The following ANKMY1 variants were observed in gnomAD, a reference collection of about 807,000 sequenced individuals.
The protein encoded by ANKMY1 is ankyrin repeat and MYND domain containing 1, also known as ankyrin repeat and MYND domain-containing protein 1.
In ANKMY1, 98 loss-of-function variants were observed where a neutral mutation model predicts 102.0. The ratio of observed to expected loss-of-function variants is 0.96; its 90% confidence interval spans 0.82 to 1.14. ANKMY1 has a LOEUF of 1.14. Ranked by LOEUF, ANKMY1 falls within the 50% of genes most tolerant of loss-of-function variation. ANKMY1 has a pLI of 0.00. For synonymous variants in ANKMY1, 582 were observed against 559.9 expected (o/e 1.04, Z -0.56); for missense variants, 1,330 against 1,347.6 (o/e 0.99, Z 0.20).
chr2:240,490,281 T>C (rs984234198), intron 15 of ANKMY1, among the ~76,000 whole-genome samples: 1 of 152,192 alleles, frequency 6.6e-6, no homozygotes, highest in Non-Finnish European at 1.5e-5. Flanking sequence ...TTAGTTCTGC[T>C]CTGATCTTTA....
intron 4 of ANKMY1, among the ~76,000 whole-genome samples, chr2:240,537,782 C>T (rs1000701805): frequency 6.6e-5 from 10 of 152,234 alleles, no homozygotes; most frequent in Non-Finnish European, 1.5e-4. Context: ...CGCTGTAAAC[C>T]ACAACAAGTG....
chr2:240,504,289 A>T (rs1404275514), intron 13 of ANKMY1, among the ~76,000 whole-genome samples: 1 of 152,252 alleles, frequency 6.6e-6, no homozygotes, highest in Non-Finnish European at 1.5e-5. Flanking sequence ...CTCTGGACTC[A>T]GATCCCATGA....
rs527725811 is a variant in ANKMY1 at position 240,504,153 on chromosome 2, C to G, written c.2526+3407G>C. The stretch of plus-strand genomic sequence containing the variant: ...CAAGGTTCTGCCACAGCCTGAACAG[C>G]AAGACGTGGTGGGAGATGGAGGCTT... On this transcript the variant is annotated intron_variant, in intron 13 of 17. Transcript: ENST00000401804. 9.2e-5 allele frequency among the ~76,000 whole-genome samples: 14 copies of G among 152,328 alleles called. No homozygotes were observed. The South Asian group carries it at 2.5e-3, about 27-fold the overall frequency.
intron 15 of ANKMY1, among the ~76,000 whole-genome samples, chr2:240,483,288 C>G (rs2075648814): frequency 6.6e-6 from 1 of 152,146 alleles, no homozygotes; most frequent in Admixed American, 6.5e-5. Flanking sequence ...TCCTGAGTAG[C>G]TGGGATTACA....
chr2:240,495,896 T>C (rs1489016297), intron 15 of ANKMY1, among the ~76,000 whole-genome samples: 1 of 152,172 alleles, frequency 6.6e-6, no homozygotes, highest in Non-Finnish European at 1.5e-5. Context: ...CTGCCTCTCC[T>C]CCTCCTTCCC....
chr2:240,500,229 G>A, intron 14 of ANKMY1, 106 bp from the exon 15 acceptor site: 1 of 1,372,404 alleles, frequency 7.3e-7, no homozygotes, highest in South Asian at 1.4e-5. Context: ...ATATATAACT[G>A]AGGACGAACC....
chr2:240,504,431 C>T (rs1163132692), intron 13 of ANKMY1, among the ~76,000 whole-genome samples: 1 of 152,176 alleles, frequency 6.6e-6, no homozygotes, highest in East Asian at 1.9e-4. Flanking sequence ...TTGGCTATGA[C>T]ACCAAAGGCA....
chr2:240,535,033 G>C (rs894142030), intron 4 of ANKMY1, among the ~76,000 whole-genome samples: 4 of 152,216 alleles, frequency 2.6e-5, no homozygotes, highest in Non-Finnish European at 4.4e-5. Flanking sequence ...GGGAGGTCAA[G>C]GCTGCAGTAA....
intron 15 of ANKMY1, among the ~76,000 whole-genome samples, chr2:240,490,041 G>A (rs768807681): frequency 1.3e-5 from 2 of 151,714 alleles, no homozygotes; most frequent in African/African-American, 2.4e-5. Context: ...TTTCCAGTTT[G>A]TCATATAGTC....
chr2:240,560,249 A>T (rs191977005), upstream of ANKMY1: 271 of 158,100 alleles, frequency 1.7e-3, 2 homozygotes, highest in African/African-American at 6.3e-3. Flanking sequence ...CCGGGTAGCC[A>T]CGGGGCCCTA....
At position 240,479,719 on chromosome 2, in the gene ANKMY1, TGGCTCCAGAACTCG is replaced by T. The variant is rs2075122709; in HGVS notation, c.3047-78_3047-65del. 1.9e-5 allele frequency: 29 copies of T among 1,490,114 alleles called. No homozygotes were observed. In the South Asian group the frequency reaches 3.2e-4, roughly 16 times the overall value. The allele number at this position is 1,490,114 out of a possible 1,614,324, so 92.3% of individuals were successfully genotyped here. ...GCTGGAGCTGGCCTCCCCCGAGGCCTGGCTCCAGAACTCGGGCTGTGTGGGGCGGCTGAGGACTG... is the reference window on the plus strand; with the variant it reads ...GCTGGAGCTGGCCTCCCCCGAGGCCTGGCTGTGTGGGGCGGCTGAGGACTG... On this transcript the variant is annotated intron_variant, in intron 17 of 17. Coordinates refer to ENST00000401804, the MANE Select transcript of ANKMY1 (RefSeq NM_001282771.3).
At position 240,526,728 on chromosome 2, in the gene ANKMY1, T is replaced by C. The variant is rs116589087; in HGVS notation, c.954-283A>G. The stretch of plus-strand genomic sequence containing the variant: ...GGCTGCGAGTACATCCATGCATCTC[T>C]GATTCATCTGGGTGTTTGCTAAGAA... On this transcript the variant is annotated intron_variant, in intron 5 of 17. Transcript: ENST00000401804. The C allele has an allele frequency of 1.8e-3, 2,404 of 1,346,976 alleles. 23 individuals carry two copies. The African/African-American group carries it at 0.031, about 18-fold the overall frequency. 83.4% of individuals were successfully genotyped at this position (1,346,976 alleles called of 1,614,324 possible).
rs1038673634 is a variant in ANKMY1, at chr2:240,557,917, G to A, written c.-54C>T. 4.1e-6 allele frequency: 4 copies of A among 985,456 alleles called. No homozygotes were observed. The highest frequency in any genetic ancestry group is 4.8e-6 in the Non-Finnish European group (4 of 830,058). The allele number at this position is 985,456 out of a possible 1,614,324, so 61.0% of individuals were successfully genotyped here. ...CGAAGAGCTCGCGCCGGACAGCAGG[G>A]AGACCGACGGGACTGCAGCCACCGC... On this transcript the variant is annotated 5_prime_UTR_variant, in exon 1 of 18. Transcript: ENST00000401804.
Position 240,509,362 on chromosome 2 carries a change from T to C in ANKMY1, c.2380A>G (p.Ser794Gly), listed in dbSNP as rs1404848868. ...GHSPLSLSIA[S>G]GNELVVKELL... Reference sequence around the variant, plus strand: ...AACATGCTCACCAGCTCATTCCCACTGGCAATGGACAGGGAGAGCGGGGAG... The same window carrying C: ...AACATGCTCACCAGCTCATTCCCACCGGCAATGGACAGGGAGAGCGGGGAG... Residue 794 changes from serine to glycine, a missense_variant, in exon 12 of 18, where the codon AGT (serine) becomes GGT (glycine). Coordinates refer to ENST00000401804, the MANE Select transcript of ANKMY1 (RefSeq NM_001282771.3). The C allele has an allele frequency of 1.9e-6, 3 of 1,613,080 alleles. No individual in the cohort carries two copies. Among genetic ancestry groups the C allele is most frequent in the African/African-American group, 2.7e-5 (2 of 74,862 alleles).
intron 11 of ANKMY1, among the ~76,000 whole-genome samples, chr2:240,511,644 C>T (rs1039864309): frequency 3.3e-5 from 5 of 152,260 alleles, no homozygotes; most frequent in African/African-American, 1.2e-4. Flanking sequence ...AGACTTCATG[C>T]CGCCACCCAG....
At chr2:240,547,890 G>T (rs1330648362) in intron 4 of ANKMY1, among the ~76,000 whole-genome samples, 1 of 151,938 alleles carries the variant, frequency 6.6e-6, no homozygotes, top group African/African-American at 2.4e-5. Context: ...CAACCAAAAA[G>T]AGTCCAGGAC....
Position 240,512,936 on chromosome 2 carries a change from T to C in ANKMY1, c.2011A>G (p.Thr671Ala). 6.2e-7 allele frequency: 1 copy of C among 1,611,576 alleles called. No homozygotes were observed. The highest frequency in any genetic ancestry group is 8.5e-7 in the Non-Finnish European group (1 of 1,178,682). Reference protein sequence around the residue: ...TDICFPPQLSTLTPLHIAAAL... With the variant: ...TDICFPPQLSALTPLHIAAAL... ...GCAGCGATGTGGAGTGGTGTCAGGG[T>C]GCTCAGCTGCAGAGGAAACACCGGG... The change falls in exon 10 of 18, where the codon ACC (threonine) becomes GCC (alanine). Residue 671 changes from threonine (T) to alanine (A), a missense_variant. Thr to Ala is a moderately conservative substitution (Grantham distance 58, BLOSUM62 0). Coordinates refer to ENST00000401804, the MANE Select transcript of ANKMY1 (RefSeq NM_001282771.3).
intron 9 of ANKMY1, among the ~76,000 whole-genome samples, chr2:240,513,378 C>T (rs1274774366): frequency 6.6e-6 from 1 of 152,240 alleles, no homozygotes; most frequent in African/African-American, 2.4e-5. Context: ...CTGACAGCAT[C>T]CATAGAGGCC....
chr2:240,541,422 G>A (rs1169864935), intron 4 of ANKMY1, among the ~76,000 whole-genome samples: 2 of 151,906 alleles, frequency 1.3e-5, no homozygotes, highest in Admixed American at 6.6e-5. Context: ...ATACTTTTTG[G>A]CCCCAATATT....
Sources: gnomAD v4.1 joint callset for allele counts (sites outside exome capture counted in the v4.1 genomes callset) on GRCh38, gnomAD v4.1.1 for gene constraint, MANE v1.5 for transcripts, NCBI Gene and HGNC (gene_info 2026-07-23, HGNC 2026-07-21) for gene names.